The following EPN3 variants were observed in gnomAD, a reference collection of about 807,000 sequenced individuals.
EPN3 encodes epsin-3.
Under a neutral mutation model 55.5 loss-of-function variants are expected in EPN3, and 56 were observed. That is an observed-to-expected ratio of 1.01 (90% CI 0.81 to 1.26). The LOEUF is 1.26. EPN3 is among the 50% of genes most tolerant of loss of function. EPN3 has a pLI of 0.00. For synonymous variants in EPN3, 449 were observed against 375.2 expected, an observed-to-expected ratio of 1.20 and a Z score of -2.27; for missense variants, 927 against 853.4, an observed-to-expected ratio of 1.09 and a Z score of -1.07.
intron 3 of EPN3, chr17:50,538,531 A>G (rs1267167101): frequency 3.2e-5 from 12 of 375,284 alleles, no homozygotes; most frequent in Admixed American, 1.3e-4. Context: ...ACCCCCGCCC[A>G]CCAGCTATCC....
Position 50,542,039 on chromosome 17 carries a change from C to T in EPN3, c.1781C>T (p.Ala594Val). The T allele has an allele frequency of 6.3e-7, 1 of 1,595,902 alleles. No homozygotes were observed. The highest frequency in any genetic ancestry group is 8.5e-7 in the Non-Finnish European group (1 of 1,178,440). ...SSVPAGLTLP[A>V]SVSVFPQAGA... is the part of the protein sequence containing the mutation. ...GTGCCAGCTGGCTTGACCCTCCCCG[C>T]CTCGGTTAGCGTCTTCCCGCAGGCC... The change falls in exon 10 of 10, where the codon GCC becomes GTC. Residue 594 changes from alanine (A) to valine (V), a missense_variant. By Grantham distance (64) the Ala-to-Val change is moderately conservative (BLOSUM62 0). Coordinates refer to ENST00000268933, the MANE Select transcript of EPN3 (RefSeq NM_017957.3).
In EPN3 at chr17:50,542,123, CG is replaced by C; in HGVS notation, c.1866del (p.Pro624ArgfsTer40). Reference protein sequence around the residue: ...PTPSSAGPRPPPPQTGTNPFL With the variant: ...PTPSSAGPRPXPPQTGTNPFL The stretch of plus-strand genomic sequence containing the variant: ...CCGAGCTCAGCCGGGCCGCGGCCCC[CG>C]CCCCCGCAGACCGGCACCAACCCCT... On this transcript the variant is annotated frameshift_variant, in exon 10 of 10. Transcript: ENST00000268933. LOFTEE classifies it high-confidence loss of function. 1.3e-6 allele frequency: 2 copies of C among 1,523,064 alleles called. No individual in the cohort carries two copies. Among genetic ancestry groups the C allele is most frequent in the Non-Finnish European group, 1.7e-6 (2 of 1,143,776 alleles). 94.3% of individuals were successfully genotyped at this position (1,523,064 alleles called of 1,614,324 possible).
intron 1 of EPN3, among the ~76,000 whole-genome samples, chr17:50,535,633 T>C (rs906283796): frequency 8.5e-5 from 13 of 152,210 alleles, no homozygotes; most frequent in Admixed American, 3.3e-4. Context: ...CTGATTTTCC[T>C]GGCTTGGGTC....
At chr17:50,541,418 C>A in intron 8 of EPN3, 46 bp from the exon 9 acceptor site, 1 of 1,608,342 alleles carries the variant, frequency 6.2e-7, no homozygotes, top group Non-Finnish European at 8.5e-7. Context: ...CCACGTCGGG[C>A]GCCAATCCCT....
Position 50,536,990 on chromosome 17 carries a change from C to T in EPN3, c.434C>T (p.Thr145Ile), listed in dbSNP as rs2034773200. 6.2e-7 allele frequency: 1 copy of T among 1,613,644 alleles called. No individual in the cohort carries two copies. ...KDEERLRQER[T>I]HALKTKERMA... ...GAGGAGCGGCTGCGGCAGGAGCGAA[C>T]CCACGCCCTCAAGACCAAGGAGCGC... Residue 145 changes from threonine to isoleucine, a missense_variant, in exon 2 of 10, where the codon ACC becomes ATC. By Grantham distance (89) the Thr-to-Ile change is moderately conservative. Coordinates refer to ENST00000268933, the MANE Select transcript of EPN3 (RefSeq NM_017957.3).
Position 50,537,047 on chromosome 17 carries a change from G to A in EPN3, c.491G>A (p.Gly164Glu), listed in dbSNP as rs777463365. ...CTGGAGGGCATCGGCATTGGCAGTG[G>A]GCAGCTGGGCTTCAGCCGCCGCTAC... ...MALEGIGIGSGQLGFSRRYGE... is the reference protein window; with the variant it reads ...MALEGIGIGSEQLGFSRRYGE... The change falls in exon 2 of 10, where the codon GGG becomes GAG. Residue 164 changes from glycine to glutamate, a missense_variant. Physicochemically the swap from Gly to Glu is moderately conservative, Grantham distance 98 (BLOSUM62 -2). Coordinates refer to ENST00000268933, the MANE Select transcript of EPN3 (RefSeq NM_017957.3). The A allele has an allele frequency of 3.1e-6, 5 of 1,612,120 alleles. No individual in the cohort carries two copies. The South Asian group carries it at 5.5e-5, about 18-fold the overall frequency.
intron 1 of EPN3, among the ~76,000 whole-genome samples, chr17:50,534,860 T>C (rs574396621): frequency 7.2e-5 from 11 of 152,164 alleles, no homozygotes; most frequent in African/African-American, 2.7e-4. Flanking sequence ...TCTGGCAGCC[T>C]GGGGACCAGT....
In EPN3 at chr17:50,542,722, AT is replaced by A. The variant is rs2034865966; in HGVS notation, c.*567del. ...GCAACGACTCTCTGAGGTAGAAAAT[AT>A]TGTTAATTCCGTTCAGGATCCCGGC... On this transcript the variant is annotated 3_prime_UTR_variant, in exon 10 of 10. Coordinates refer to ENST00000268933, the MANE Select transcript of EPN3 (RefSeq NM_017957.3). The A allele has an allele frequency of 6.6e-6, 1 of 152,484 alleles. No homozygotes were observed. The highest frequency in any genetic ancestry group is 1.5e-5 in the Non-Finnish European group (1 of 68,254). 9.4% of individuals were successfully genotyped at this position (152,484 alleles called of 1,614,324 possible).
In EPN3 at chr17:50,542,272, T is replaced by C; in HGVS notation, c.*115T>C. 1 of 1,179,114 alleles carries C rather than the reference T, an allele frequency of 8.5e-7. No individual in the cohort carries two copies. The highest frequency in any genetic ancestry group is 1.1e-6 in the Non-Finnish European group (1 of 899,940). The allele number at this position is 1,179,114 out of a possible 1,614,324, so 73.0% of individuals were successfully genotyped here. On this transcript the variant is annotated 3_prime_UTR_variant, in exon 10 of 10. Coordinates refer to ENST00000268933, the MANE Select transcript of EPN3 (RefSeq NM_017957.3). ...AGTGGAACGCCGAGCCAGTGGCGGC[T>C]GGTATCCCGCGGCGGCTCTGGAAGC...
chr17:50,538,310 C>T (rs2034794619), intron 3 of EPN3, 113 bp downstream of exon 3: 6 of 781,724 alleles, frequency 7.7e-6, no homozygotes, highest in Non-Finnish European at 1.2e-5. Flanking sequence ...CAGTCCTGTG[C>T]CCAAGGACAG....
rs562320157 is a variant in EPN3, at chr17:50,541,682, C to G, written c.1573C>G (p.Pro525Ala). The G allele has an allele frequency of 2.3e-5, 37 of 1,613,900 alleles. No individual in the cohort carries two copies. In the East Asian group the frequency reaches 8.0e-4, roughly 35 times the overall value. The change falls in exon 9 of 10, where the codon CCC becomes GCC. Residue 525 changes from proline (P) to alanine (A), a missense_variant. Physicochemically the swap from Pro to Ala is conservative, Grantham distance 27. Coordinates refer to ENST00000268933, the MANE Select transcript of EPN3 (RefSeq NM_017957.3). ...KAPQVAKTRN[P>A]FLTGLSAPSP... The stretch of plus-strand genomic sequence containing the variant: ...ACCCCAGGTTGCAAAGACCCGGAAC[C>G]CCTTCCTGACAGGTAAGATATGCCC...
At chr17:50,539,339 G>C in intron 5 of EPN3, 24 bp downstream of exon 5, 1 of 1,613,362 alleles carries the variant, frequency 6.2e-7, no homozygotes, top group Non-Finnish European at 8.5e-7. Context: ...TGCGGTGCTT[G>C]GGATGGACAG....
chr17:50,540,277 G>T lies in EPN3; in HGVS notation c.922G>T (p.Val308Leu). ...CATCCTGGACTTGGCTGACATCTTC[G>T]TACCTGCCCTGGCCCCGCCCTCCAC... is the stretch of plus-strand genomic sequence containing the variant. ...SSILDLADIF[V>L]PALAPPSTHC... The change falls in exon 6 of 10, where the codon GTA becomes TTA. Residue 308 changes from valine to leucine, a missense_variant. By Grantham distance (32) the Val-to-Leu change is conservative (BLOSUM62 1). Coordinates refer to ENST00000268933, the MANE Select transcript of EPN3 (RefSeq NM_017957.3). 6.2e-7 allele frequency: 1 copy of T among 1,612,504 alleles called. No homozygotes were observed.
At chr17:50,538,513 TG>T in intron 3 of EPN3, 2 of 443,376 alleles carry the variant, frequency 4.5e-6, no homozygotes, top group Non-Finnish European at 8.0e-6. Context: ...CACTGGGATA[TG>T]CTTCCCACCC....
Position 50,538,389 on chromosome 17 carries a change from C to G in EPN3, c.681+192C>G, listed in dbSNP as rs1389569043. 3 of 581,310 alleles carry G rather than the reference C, an allele frequency of 5.2e-6. No individual in the cohort carries two copies. In the African/African-American group the frequency reaches 5.6e-5, roughly 11 times the overall value. 36.0% of individuals were successfully genotyped at this position (581,310 alleles called of 1,614,324 possible). A position where few individuals can be genotyped will look rare whatever the true frequency, so the allele number is the denominator to read the frequency against. ...GCCTCCCTGCCTCCAGTCCTCTCCACTGGGCCTGGAAAGGGTGGCGAGTGT... is the reference window on the plus strand; with the variant it reads ...GCCTCCCTGCCTCCAGTCCTCTCCAGTGGGCCTGGAAAGGGTGGCGAGTGT... On this transcript the variant is annotated intron_variant, in intron 3 of 9. Coordinates refer to ENST00000268933, the MANE Select transcript of EPN3 (RefSeq NM_017957.3).
intron 9 of EPN3, 50 bp downstream of exon 9, chr17:50,541,744 T>TAGGC: frequency 1.9e-6 from 3 of 1,607,384 alleles, no homozygotes; most frequent in Non-Finnish European, 2.6e-6. Flanking sequence ...TTTCAGAGCC[T>TAGGC]AGCCTCCGCC....
chr17:50,541,714 C>A lies in EPN3; in HGVS notation c.1585+20C>A. On this transcript the variant is annotated intron_variant, in intron 9 of 9. Coordinates refer to ENST00000268933, the MANE Select transcript of EPN3 (RefSeq NM_017957.3). ...TGACAGGTAAGATATGCCCTTGTCC[C>A]TCAACCCAGGGGCTCCTGCTTTCAG... 6.2e-7 allele frequency: 1 copy of A among 1,611,602 alleles called. No individual in the cohort carries two copies. The highest frequency in any genetic ancestry group is 8.5e-7 in the Non-Finnish European group (1 of 1,178,020).
chr17:50,532,928 A>G lies in EPN3; in HGVS notation c.-194A>G. On this transcript the variant is annotated 5_prime_UTR_variant, in exon 1 of 10. Transcript: ENST00000268933. ...GCCGTCCCGCTGCTGCACAGGTCGG[A>G]GGGTCACCGCAGAGGCTACTCGGGC... 1 of 1,285,806 alleles carries G rather than the reference A, an allele frequency of 7.8e-7. No individual in the cohort carries two copies. The highest frequency in any genetic ancestry group is 1.5e-5 in the African/African-American group (1 of 65,642). The allele number at this position is 1,285,806 out of a possible 1,614,324, so 79.6% of individuals were successfully genotyped here.
chr17:50,539,525 T>C (rs1439019947), intron 5 of EPN3, among the ~76,000 whole-genome samples: 1 of 152,194 alleles, frequency 6.6e-6, no homozygotes, highest in African/African-American at 2.4e-5. Context: ...GGTTCCTGAT[T>C]GGAGACCCCC....
Sources: gnomAD v4.1 joint callset for allele counts (sites outside exome capture counted in the v4.1 genomes callset) on GRCh38, gnomAD v4.1.1 for gene constraint, MANE v1.5 for transcripts, NCBI Gene and HGNC (gene_info 2026-07-23, HGNC 2026-07-21) for gene names.